ESR1: variants seen among roughly 807,000 people sequenced by gnomAD.
ESR1 encodes the protein estrogen receptor 1, also known as estrogen receptor.
ESR1 carries 12 observed loss-of-function variants against 52.7 expected under a neutral mutation model. That is an observed-to-expected ratio of 0.23 (90% CI 0.15 to 0.37). The LOEUF (loss-of-function observed/expected upper bound fraction) is 0.37. Ranked by LOEUF, ESR1 falls within the 10% of genes least tolerant of loss-of-function variation. ESR1 has a pLI of 1.00. For missense variants in ESR1, 584 were observed against 779.7 expected (o/e 0.75, Z 2.99); for synonymous variants, 305 against 316.8 (o/e 0.96, Z 0.39).
chr6:151,673,186 C>T (rs1342730408), intron 1 of ESR1, among the ~76,000 whole-genome samples: 1 of 152,066 alleles, frequency 6.6e-6, no homozygotes, highest in Non-Finnish European at 1.5e-5. Context: ...AATTGAAAGA[C>T]ATAAGGATCA....
upstream of ESR1, chr6:151,805,271 T>C (rs1380150735): frequency 6.6e-6 from 1 of 152,214 alleles, no homozygotes; most frequent in East Asian, 1.9e-4. Context: ...TCCACATGTA[T>C]CCCAGAAGGC....
chr6:151,956,131 G>T (rs575814736), intron 4 of ESR1, among the ~76,000 whole-genome samples: 2 of 152,258 alleles, frequency 1.3e-5, no homozygotes, highest in Middle Eastern at 3.4e-3. Flanking sequence ...TACCATTGGT[G>T]GACATTTAGG....
In ESR1 at chr6:151,769,920, C is replaced by T. The variant is rs554288465; in HGVS notation, c.-70-37923C>T. Among the ~76,000 whole-genome samples the T allele has an allele frequency of 1.8e-4, 28 of 151,636 alleles. 1 individual carries two copies. The South Asian group carries it at 5.4e-3, about 29-fold the overall frequency. On this transcript the variant is annotated intron_variant, in intron 2 of 2. Coordinates refer to the ESR1 transcript ENST00000404742. The stretch of plus-strand genomic sequence containing the variant: ...GCACGCGTCTGCAGTCCCGGCTACT[C>T]GGGAAACTGAGGCAGGAGAATCGCT...
intron 5 of ESR1, among the ~76,000 whole-genome samples, chr6:152,027,147 G>T (rs1021348070): frequency 6.6e-6 from 1 of 151,962 alleles, no homozygotes; most frequent in Non-Finnish European, 1.5e-5. Context: ...TGTATTTTTA[G>T]TAGAGACAGG....
intron 2 of ESR1, among the ~76,000 whole-genome samples, chr6:151,704,297 G>A (rs2127989361): frequency 6.6e-6 from 1 of 152,262 alleles, no homozygotes; most frequent in Middle Eastern, 3.4e-3. Context: ...GAGTGCAGTG[G>A]TGCGATCTTG....
chr6:151,965,959 G>A (rs1462413149), intron 4 of ESR1, among the ~76,000 whole-genome samples: 2 of 152,110 alleles, frequency 1.3e-5, no homozygotes. Context: ...GCTCAAGGAG[G>A]TATTTACTAA....
At chr6:151,896,291 C>A (rs1795497325) in intron 3 of ESR1, among the ~76,000 whole-genome samples, 1 of 152,142 alleles carries the variant, frequency 6.6e-6, no homozygotes, top group Non-Finnish European at 1.5e-5. Flanking sequence ...TGGTAGAATT[C>A]AGCTGTGAAT....
intron 7 of ESR1, among the ~76,000 whole-genome samples, chr6:152,096,998 C>T (rs2050660869): frequency 6.6e-6 from 1 of 152,188 alleles, no homozygotes; most frequent in Non-Finnish European, 1.5e-5. Context: ...TTAGTTAATA[C>T]TAAGTAAATT....
intron 5 of ESR1, among the ~76,000 whole-genome samples, chr6:152,049,608 G>A (rs1157986252): frequency 1.3e-5 from 2 of 152,216 alleles, no homozygotes; most frequent in Admixed American, 6.5e-5. Context: ...TAAAGGGTGT[G>A]TCAGTTATCT....
intron 3 of ESR1, among the ~76,000 whole-genome samples, chr6:151,899,361 A>G (rs1253639614): frequency 1.7e-4 from 14 of 80,460 alleles, no homozygotes; most frequent in South Asian, 4.5e-4. Context: ...TGACCCCCCC[A>G]CCTCCTTCCC....
intron 4 of ESR1, among the ~76,000 whole-genome samples, chr6:151,986,505 T>C (rs1322202299): frequency 6.6e-6 from 1 of 152,118 alleles, no homozygotes; most frequent in Non-Finnish European, 1.5e-5. Context: ...TTTGTCTTAG[T>C]AAGATTATAA....
downstream of ESR1, among the ~76,000 whole-genome samples, chr6:152,105,970 T>C (rs1217466240): frequency 2.0e-5 from 3 of 150,238 alleles, no homozygotes; most frequent in East Asian, 5.9e-4. Flanking sequence ...TGTATTTTTT[T>C]TTTTAGTAGA....
intron 5 of ESR1, among the ~76,000 whole-genome samples, chr6:152,025,266 CT>C (rs1189978843): frequency 2.6e-4 from 30 of 116,730 alleles, no homozygotes; most frequent in South Asian, 8.3e-4. Flanking sequence ...GGAAGTTTTT[CT>C]TTTTTTTTTT....
intron 3 of ESR1, chr6:151,936,318 T>A (rs1211110818): frequency 2.0e-5 from 3 of 152,194 alleles, no homozygotes; most frequent in African/African-American, 7.2e-5. Context: ...AAACTTGCCA[T>A]GTAGGAGAAG....
chr6:151,822,243 AC>A (rs1780675157), intron 1 of ESR1, among the ~76,000 whole-genome samples: 2 of 152,222 alleles, frequency 1.3e-5, no homozygotes, highest in South Asian at 4.1e-4. Flanking sequence ...TGACTTTTAT[AC>A]ATGTAGAAGC....
Position 152,034,513 on chromosome 6 carries a change from A to AC in ESR1, c.1235+22719_1235+22720insC, listed in dbSNP as rs1466881469. 2.7e-5 allele frequency among the ~76,000 whole-genome samples: 4 copies of AC among 148,064 alleles called. No individual in the cohort carries two copies. In the East Asian group the frequency reaches 6.7e-4, roughly 25 times the overall value. The stretch of plus-strand genomic sequence containing the variant: ...TGTCTGCTGTGTGTCCTTATAATTA[A>AC]GTCTATGTTCTGAATGTTTTTCCTT... On this transcript the variant is annotated intron_variant, in intron 5 of 7. Transcript: ENST00000206249.
At chr6:151,957,002 G>A (rs965488426) in intron 4 of ESR1, among the ~76,000 whole-genome samples, 7 of 149,800 alleles carry the variant, frequency 4.7e-5, no homozygotes, top group African/African-American at 9.8e-5. Flanking sequence ...TCAGCCTCCC[G>A]AGTAGCTGGG....
At chr6:151,940,276 C>T (rs1281610469) in intron 3 of ESR1, among the ~76,000 whole-genome samples, 2 of 152,166 alleles carry the variant, frequency 1.3e-5, no homozygotes, top group Non-Finnish European at 2.9e-5. Context: ...CCACTGAGTC[C>T]CTCCCACATG....
chr6:151,990,296 G>A (rs561773806), intron 4 of ESR1, among the ~76,000 whole-genome samples: 1 of 151,940 alleles, frequency 6.6e-6, no homozygotes, highest in Non-Finnish European at 1.5e-5. Flanking sequence ...ATATCTGCAT[G>A]TTATGTTAGA....
Sources: gnomAD v4.1 joint callset for allele counts (sites outside exome capture counted in the v4.1 genomes callset) on GRCh38, gnomAD v4.1.1 for gene constraint, MANE v1.5 for transcripts, NCBI Gene and HGNC (gene_info 2026-07-23, HGNC 2026-07-21) for gene names.